The following GAB1 variants were observed in gnomAD, a reference collection of about 807,000 sequenced individuals.
The protein encoded by GAB1 is GRB2-associated-binding protein 1.
A neutral mutation model predicts 66.5 loss-of-function variants in GAB1; 19 were observed. That is an observed-to-expected ratio of 0.29 (90% CI 0.20 to 0.42). The LOEUF (loss-of-function observed/expected upper bound fraction) is 0.42, where lower values mean the gene tolerates loss of function less well. Among genes scored for constraint, GAB1 ranks in the 10% least tolerant of loss-of-function variants. The pLI is 1.00. For missense variants in GAB1, 732 were observed against 858.5 expected, an observed-to-expected ratio of 0.85 and a Z score of 1.84; for synonymous variants, 294 against 301.4, an observed-to-expected ratio of 0.98 and a Z score of 0.25.
At chr4:143,420,569 A>G (rs1732957827) in intron 2 of GAB1, among the ~76,000 whole-genome samples, 1 of 152,066 alleles carries the variant, frequency 6.6e-6, no homozygotes, top group Admixed American at 6.5e-5. Context: ...GAGGGTAGAA[A>G]CTAATTTTGT....
At chr4:143,369,808 TAC>T (rs1214785789) in intron 1 of GAB1, among the ~76,000 whole-genome samples, 1 of 152,262 alleles carries the variant, frequency 6.6e-6, no homozygotes. Context: ...ATGAGACTCA[TAC>T]GTTGTGACCC....
At position 143,415,500 on chromosome 4, in the gene GAB1, G is replaced by A. The variant is rs1339600271; in HGVS notation, c.96G>A (p.Val32=). The A allele has an allele frequency of 6.2e-7, 1 of 1,611,696 alleles. No homozygotes were observed. Among genetic ancestry groups the A allele is most frequent in the Non-Finnish European group, 8.5e-7 (1 of 1,178,438 alleles). The change falls in exon 2 of 10, where the codon GTG becomes GTA. Residue 32 remains valine, a synonymous_variant. Coordinates refer to ENST00000262994, the MANE Select transcript of GAB1 (RefSeq NM_002039.4). ...AGGCATGGAAGAGGAGATGGTTCGT[G>A]TTACGCAGTGGCCGTTTAACTGGAG... is the stretch of plus-strand genomic sequence containing the variant. The part of the protein sequence containing the change: ...KRYAWKRRWF[V]LRSGRLTGDP...
chr4:143,414,971 A>G (rs1405426153), intron 1 of GAB1, among the ~76,000 whole-genome samples: 1 of 151,868 alleles, frequency 6.6e-6, no homozygotes, highest in Non-Finnish European at 1.5e-5. Context: ...ATAACTCTCC[A>G]TTTCCCACCC....
intron 1 of GAB1, chr4:143,343,651 C>T (rs544766559): frequency 1.2e-4 from 19 of 154,824 alleles, no homozygotes; most frequent in African/African-American, 4.1e-4. Flanking sequence ...GATTAGTTGC[C>T]AAATGAAAGT....
intron 1 of GAB1, among the ~76,000 whole-genome samples, chr4:143,408,564 G>C (rs1732190096): frequency 1.3e-5 from 2 of 152,004 alleles, no homozygotes; most frequent in Admixed American, 1.3e-4. Flanking sequence ...GTTATCTTGT[G>C]GGCATTGCTC....
intron 1 of GAB1, among the ~76,000 whole-genome samples, chr4:143,339,854 A>G (rs1310909540): frequency 6.6e-6 from 1 of 152,202 alleles, no homozygotes; most frequent in Non-Finnish European, 1.5e-5. Flanking sequence ...CCACAGGAGG[A>G]TGAATGTGCC....
chr4:143,431,110 T>A (rs1733626756), intron 2 of GAB1, among the ~76,000 whole-genome samples: 1 of 152,104 alleles, frequency 6.6e-6, no homozygotes, highest in Non-Finnish European at 1.5e-5. Flanking sequence ...AACACATATA[T>A]AGCTACACAG....
intron 1 of GAB1, among the ~76,000 whole-genome samples, chr4:143,386,893 C>T (rs755691607): frequency 3.9e-5 from 6 of 152,140 alleles, no homozygotes; most frequent in Admixed American, 1.3e-4. Context: ...ATATGGCCTG[C>T]AAAACCTAAA....
chr4:143,418,881 G>A (rs1344460654), intron 2 of GAB1, among the ~76,000 whole-genome samples: 8 of 152,124 alleles, frequency 5.3e-5, no homozygotes, highest in South Asian at 2.1e-4. Context: ...AAGGCACAGC[G>A]TCTTGTCTAT....
At chr4:143,448,546 C>T (rs1734704228) in intron 6 of GAB1, among the ~76,000 whole-genome samples, 1 of 151,598 alleles carries the variant, frequency 6.6e-6, no homozygotes, top group Non-Finnish European at 1.5e-5. Context: ...AGGAATTTAT[C>T]CATTTCTTCT....
chr4:143,409,018 C>T (rs1732217118), intron 1 of GAB1, among the ~76,000 whole-genome samples: 1 of 152,128 alleles, frequency 6.6e-6, no homozygotes, highest in Non-Finnish European at 1.5e-5. Context: ...TAACAACTAC[C>T]AAGAGACCCC....
intron 1 of GAB1, among the ~76,000 whole-genome samples, chr4:143,384,590 C>G (rs999938030): frequency 2.0e-5 from 3 of 152,202 alleles, no homozygotes; most frequent in Admixed American, 6.5e-5. Context: ...GAGACAAATG[C>G]TACACCCGAC....
chr4:143,459,014 G>C (rs1202046533), intron 6 of GAB1, among the ~76,000 whole-genome samples: 1 of 151,944 alleles, frequency 6.6e-6, no homozygotes, highest in Non-Finnish European at 1.5e-5. Context: ...TTCTTATTGA[G>C]TATGAAATTG....
At chr4:143,467,046 C>A (rs577976565) in intron 9 of GAB1, among the ~76,000 whole-genome samples, 1 of 152,072 alleles carries the variant, frequency 6.6e-6, no homozygotes, top group East Asian at 1.9e-4. Flanking sequence ...TGAAATATAC[C>A]CTTTAGAAGT....
At chr4:143,360,727 C>T (rs547559645) in intron 1 of GAB1, among the ~76,000 whole-genome samples, 1 of 152,142 alleles carries the variant, frequency 6.6e-6, no homozygotes, top group East Asian at 1.9e-4. Flanking sequence ...TTTCGTGTGA[C>T]TTCTGCGGCA....
chr4:143,356,731 A>G (rs1474107086), intron 1 of GAB1, among the ~76,000 whole-genome samples: 2 of 152,194 alleles, frequency 1.3e-5, no homozygotes, highest in African/African-American at 4.8e-5. Context: ...CCTCATTAAC[A>G]TATTTTGAAT....
chr4:143,340,961 A>G (rs1253692057), intron 1 of GAB1, among the ~76,000 whole-genome samples: 2 of 152,142 alleles, frequency 1.3e-5, no homozygotes, highest in East Asian at 1.9e-4. Context: ...CTTTTCTTGA[A>G]TTTTCTAAAG....
At chr4:143,370,724 G>T (rs1730084178) in intron 1 of GAB1, among the ~76,000 whole-genome samples, 1 of 152,042 alleles carries the variant, frequency 6.6e-6, no homozygotes, top group African/African-American at 2.4e-5. Context: ...ACAGGCCCCG[G>T]GGTGTGATGT....
At chr4:143,452,118 T>C (rs1293714609) in intron 6 of GAB1, among the ~76,000 whole-genome samples, 1 of 152,140 alleles carries the variant, frequency 6.6e-6, no homozygotes, top group African/African-American at 2.4e-5. Flanking sequence ...TTTTCTTTCT[T>C]TTTCTTTTAG....
Sources: allele counts gnomAD v4.1 joint callset (sites outside exome capture counted in the v4.1 genomes callset), GRCh38; gene constraint gnomAD v4.1.1; transcripts MANE v1.5; gene names NCBI Gene and HGNC (gene_info 2026-07-23, HGNC 2026-07-21).